FHIT: variants seen among roughly 807,000 people sequenced by gnomAD.
The protein encoded by FHIT is fragile histidine triad diadenosine triphosphatase, also known as bis(5'-adenosyl)-triphosphatase.
In FHIT, 19 loss-of-function variants were observed where a neutral mutation model predicts 17.9. The ratio of observed to expected loss-of-function variants is 1.06; its 90% confidence interval spans 0.74 to 1.56. FHIT has a LOEUF of 1.56. Ranked by LOEUF, FHIT falls within the 40% of genes most tolerant of loss-of-function variation. The pLI is 0.00. For missense variants in FHIT, 248 were observed against 189.2 expected (o/e 1.31, Z -1.82); for synonymous variants, 81 against 69.7 (o/e 1.16, Z -0.81).
chr3:60,903,027 C>T (rs1398438613), intron 3 of FHIT, among the ~76,000 whole-genome samples: 5 of 152,142 alleles, frequency 3.3e-5, no homozygotes, highest in African/African-American at 1.2e-4. Context: ...TCCTATAAAC[C>T]TGTATTTCCT....
intron 8 of FHIT, among the ~76,000 whole-genome samples, chr3:59,900,472 G>C (rs1015350031): frequency 6.6e-6 from 1 of 152,110 alleles, no homozygotes; most frequent in Non-Finnish European, 1.5e-5. Flanking sequence ...TCCTTCCCTT[G>C]TGCCTGCTTT....
At chr3:60,629,008 G>A (rs2039369649) in intron 4 of FHIT, among the ~76,000 whole-genome samples, 1 of 151,992 alleles carries the variant, frequency 6.6e-6, no homozygotes, top group Admixed American at 6.6e-5. Context: ...AGGGGGACTG[G>A]GGCCTCAATA....
chr3:60,531,932 G>C (rs1383394753), intron 5 of FHIT, among the ~76,000 whole-genome samples: 1 of 152,120 alleles, frequency 6.6e-6, no homozygotes, highest in African/African-American at 2.4e-5. Context: ...CTGTTTGCAT[G>C]GTAGCCAACT....
At chr3:60,536,739 G>C (rs1011697665) in intron 5 of FHIT, 121 bp downstream of exon 5, 2 of 1,060,980 alleles carry the variant, frequency 1.9e-6, no homozygotes, top group African/African-American at 3.3e-5. Context: ...GTGGGAGGGA[G>C]ATGGATTCTT....
intron 5 of FHIT, among the ~76,000 whole-genome samples, chr3:60,202,857 A>C (rs535671737): frequency 6.6e-6 from 1 of 152,268 alleles, no homozygotes; most frequent in Admixed American, 6.5e-5. Context: ...TTTCAAGGTT[A>C]TAGGCAGAAT....
intron 4 of FHIT, among the ~76,000 whole-genome samples, chr3:60,796,309 T>C (rs1700979583): frequency 6.6e-6 from 1 of 152,234 alleles, no homozygotes; most frequent in Admixed American, 6.5e-5. Flanking sequence ...GAAAACCTAA[T>C]TTCTTATTTT....
intron 4 of FHIT, among the ~76,000 whole-genome samples, chr3:60,626,805 C>CTTT (rs34696094): frequency 3.7e-5 from 5 of 136,100 alleles, no homozygotes; most frequent in Admixed American, 7.3e-5. Flanking sequence ...TTTTTTTTTA[C>CTTT]GTTAAGTATG....
intron 2 of FHIT, among the ~76,000 whole-genome samples, chr3:61,171,577 T>C (rs1267946375): frequency 6.6e-6 from 1 of 152,186 alleles, no homozygotes; most frequent in Non-Finnish European, 1.5e-5. Flanking sequence ...AGACTATTTA[T>C]TCAACTTTCA....
intron 5 of FHIT, among the ~76,000 whole-genome samples, chr3:60,300,088 T>C (rs958500040): frequency 2.6e-5 from 4 of 152,016 alleles, no homozygotes; most frequent in Non-Finnish European, 5.9e-5. Flanking sequence ...CACTACCATA[T>C]TGTTTCTTGT....
intron 7 of FHIT, among the ~76,000 whole-genome samples, chr3:59,939,742 C>G (rs550832080): frequency 6.6e-6 from 1 of 152,234 alleles, no homozygotes; most frequent in South Asian, 2.1e-4. Context: ...TAACATAAAA[C>G]AGGCCATACC....
At chr3:60,964,016 A>G (rs1287521712) in intron 3 of FHIT, among the ~76,000 whole-genome samples, 1 of 152,094 alleles carries the variant, frequency 6.6e-6, no homozygotes, top group African/African-American at 2.4e-5. Context: ...GATCTGTCTA[A>G]TGTTGCCAGT....
intron 3 of FHIT, among the ~76,000 whole-genome samples, chr3:60,853,380 A>G (rs1295131639): frequency 6.6e-6 from 1 of 152,064 alleles, no homozygotes; most frequent in Non-Finnish European, 1.5e-5. Context: ...TTGGAACAAC[A>G]TCCAACAGTT....
chr3:60,634,915 A>G (rs2039541720), intron 4 of FHIT, among the ~76,000 whole-genome samples: 1 of 152,206 alleles, frequency 6.6e-6, no homozygotes, highest in African/African-American at 2.4e-5. Flanking sequence ...GCTGGAGTGC[A>G]GTGGCTATTC....
intron 4 of FHIT, among the ~76,000 whole-genome samples, chr3:60,772,277 T>C (rs1553723301): frequency 7.1e-6 from 1 of 140,840 alleles, no homozygotes; most frequent in African/African-American, 2.6e-5. Flanking sequence ...AAATGAAACA[T>C]CCAGATGATA....
At chr3:60,752,524 T>C (rs1322824136) in intron 4 of FHIT, among the ~76,000 whole-genome samples, 1 of 152,188 alleles carries the variant, frequency 6.6e-6, no homozygotes, top group Non-Finnish European at 1.5e-5. Flanking sequence ...GGGTGCCAAG[T>C]GAGACCTCCT....
At chr3:60,634,542 T>C (rs1261919589) in intron 4 of FHIT, among the ~76,000 whole-genome samples, 1 of 152,176 alleles carries the variant, frequency 6.6e-6, no homozygotes, top group Non-Finnish European at 1.5e-5. Context: ...TCACTCTGCT[T>C]GAGAAATCGC....
At chr3:59,751,423 T>A (rs1192698679) in intron 9 of FHIT, 1 of 195,936 alleles carries the variant, frequency 5.1e-6, no homozygotes, top group Non-Finnish European at 1.1e-5. Flanking sequence ...ACACTTTTTG[T>A]TTACAGGCCA....
chr3:59,899,251 C>T (rs9851038), intron 8 of FHIT, among the ~76,000 whole-genome samples: 20,364 of 152,250 alleles, frequency 0.13, 1,486 homozygotes, highest in Middle Eastern at 0.23. Flanking sequence ...AGGTCAAACA[C>T]TGAACTTCTC....
At chr3:59,823,335 G>C (rs1041545084) in intron 8 of FHIT, among the ~76,000 whole-genome samples, 1 of 152,058 alleles carries the variant, frequency 6.6e-6, no homozygotes, top group South Asian at 2.1e-4. Context: ...AAGAATGATG[G>C]TGGTATTTTT....
Sources: gnomAD v4.1 joint callset for allele counts (sites outside exome capture counted in the v4.1 genomes callset) on GRCh38, gnomAD v4.1.1 for gene constraint, MANE v1.5 for transcripts, NCBI Gene and HGNC (gene_info 2026-07-23, HGNC 2026-07-21) for gene names.